ZNF345: variants seen among roughly 807,000 people sequenced by gnomAD.
ZNF345 encodes zinc finger protein 345.
For missense variants in ZNF345, 527 were observed against 589.9 expected, an observed-to-expected ratio of 0.89 and a Z score of 1.10; for synonymous variants, 166 against 187.9, an observed-to-expected ratio of 0.88 and a Z score of 0.95.
intron 2 of ZNF345, among the ~76,000 whole-genome samples, chr19:36,865,034 T>G (rs999898419): frequency 6.6e-6 from 1 of 152,096 alleles, no homozygotes. Flanking sequence ...ACTTTGTACT[T>G]TAAGAGCCGG....
chr19:36,859,559 A>G (rs144606506), intron 2 of ZNF345, among the ~76,000 whole-genome samples: 68 of 150,552 alleles, frequency 4.5e-4, no homozygotes, highest in African/African-American at 1.6e-3. Context: ...TATTATTTTT[A>G]TACAGGCATT....
intron 2 of ZNF345, among the ~76,000 whole-genome samples, chr19:36,862,361 TGCTACCAAAAGTTAAAACTA>T (rs1193850964): frequency 1.3e-5 from 2 of 151,974 alleles, no homozygotes; most frequent in Non-Finnish European, 2.9e-5. Context: ...AATATTAGCA[TGCTACCAAAAGTTAAAACTA>T]GCTGGGTGTG....
At chr19:36,892,863 C>T (rs1003741397) in exon 4 of ZNF345, 4 of 1,150,324 alleles carry the variant, frequency 3.5e-6, no homozygotes, top group Non-Finnish European at 2.2e-6. Flanking sequence ...GTCTCCTCGT[C>T]GTACAGCTTG....
rs370651502 is a variant in ZNF345 at position 36,892,037 on chromosome 19, A to G, written c.47-781A>G. 4 of 1,613,310 alleles carry G rather than the reference A, an allele frequency of 2.5e-6. No homozygotes were observed. The African/African-American group carries it at 5.3e-5, about 22-fold the overall frequency. ...CTCTGATGATCATTAAGGTTTGAGC[A>G]ATACTTAAAGGCTTTTCCACATTCC... is the stretch of plus-strand genomic sequence containing the variant. On this transcript the variant is annotated intron_variant, in intron 3 of 3. Coordinates refer to the ZNF345 transcript ENST00000526123.
At chr19:36,867,300 C>T (rs1283300305) in intron 2 of ZNF345, among the ~76,000 whole-genome samples, 2 of 152,092 alleles carry the variant, frequency 1.3e-5, no homozygotes, top group African/African-American at 4.8e-5. Flanking sequence ...ATCTCCTTTT[C>T]TCATTTTTTC....
intron 2 of ZNF345, among the ~76,000 whole-genome samples, chr19:36,872,905 A>G (rs1179781529): frequency 6.6e-6 from 1 of 152,108 alleles, no homozygotes; most frequent in African/African-American, 2.4e-5. Flanking sequence ...TGAATCTTTT[A>G]TCCTATTGAC....
At chr19:36,860,574 G>A (rs1358654886) in intron 2 of ZNF345, among the ~76,000 whole-genome samples, 10 of 152,228 alleles carry the variant, frequency 6.6e-5, no homozygotes, top group African/African-American at 2.2e-4. Context: ...TTTGTAAAAA[G>A]TCCCTTAATT....
rs756246665 is a variant in ZNF345, at chr19:36,877,614, G to T, written c.784G>T (p.Glu262Ter). Residue 262 changes from glutamate to a stop codon, truncating the protein, a stop_gained, in exon 3 of 3, where the codon GAA becomes TAA. Transcript: ENST00000420450. LOFTEE classifies it low-confidence loss of function (END_TRUNC). ...CGGTGAGAAACCATATATATGTAAT[G>T]AATGTGGTAAGGCCTTTAGTTTTGG... ...HTGEKPYICN[E>*]CGKAFSFGSA... 32 of 1,614,088 alleles carry T rather than the reference G, an allele frequency of 2.0e-5. No homozygotes were observed. The highest frequency in any genetic ancestry group is 2.7e-5 in the Non-Finnish European group (32 of 1,180,004).
intron 2 of ZNF345, among the ~76,000 whole-genome samples, chr19:36,871,523 T>C (rs1296532616): frequency 6.6e-6 from 1 of 152,182 alleles, no homozygotes; most frequent in Non-Finnish European, 1.5e-5. Flanking sequence ...TAATGATATA[T>C]CTCCAACCTA....
intron 2 of ZNF345, among the ~76,000 whole-genome samples, chr19:36,861,716 A>G (rs1363630817): frequency 2.0e-5 from 3 of 151,898 alleles, no homozygotes; most frequent in Non-Finnish European, 4.4e-5. Context: ...GTGCACCACC[A>G]CGCCCAGCAA....
Position 36,892,906 on chromosome 19 carries a change from CA to C in ZNF345, c.136del (p.Arg46GlyfsTer4). 1 of 1,142,838 alleles carries C rather than the reference CA, an allele frequency of 8.8e-7. No homozygotes were observed. Among genetic ancestry groups the C allele is most frequent in the Non-Finnish European group, 1.1e-6 (1 of 898,654 alleles). The allele number at this position is 1,142,838 out of a possible 1,614,324, so 70.8% of individuals were successfully genotyped here. A position where few individuals can be genotyped will look rare whatever the true frequency, so the allele number is the denominator to read the frequency against. On this transcript the variant is annotated frameshift_variant, in exon 4 of 4. Transcript: ENST00000526123. LOFTEE classifies it high-confidence loss of function. The stretch of plus-strand genomic sequence containing the variant: ...CCGACTGCAAGGCCATCAGCATGCC[CA>C]GGCAGGGGTTAAGCTGGAGGGCCAT...
At chr19:36,892,085 C>T (rs763457141) in intron 3 of ZNF345, 2 of 1,614,028 alleles carry the variant, frequency 1.2e-6, no homozygotes, top group Non-Finnish European at 1.7e-6. Context: ...GGTTTCTCAC[C>T]AGTGTGAATC....
Position 36,878,092 on chromosome 19 carries a change from C to G in ZNF345, c.1262C>G (p.Thr421Ser), listed in dbSNP as rs1306208249. The change falls in exon 3 of 3, where the codon ACT (threonine) becomes AGT (serine). Residue 421 changes from threonine to serine, a missense_variant. Transcript: ENST00000420450. ...SALNRHQRIH[T>S]GEKPYECKEC... is the part of the protein sequence containing the mutation. ...CTTAATCGGCACCAGAGAATACACA[C>G]TGGTGAGAAACCCTATGAATGTAAG... is the stretch of plus-strand genomic sequence containing the variant. 1 of 1,614,126 alleles carries G rather than the reference C, an allele frequency of 6.2e-7. No homozygotes were observed. The highest frequency in any genetic ancestry group is 1.1e-5 in the South Asian group (1 of 91,088).
chr19:36,892,226 A>G (rs1332354772), intron 3 of ZNF345: 2 of 1,613,978 alleles, frequency 1.2e-6, no homozygotes, highest in Non-Finnish European at 1.7e-6. Flanking sequence ...GACTTCCCAT[A>G]CTCCTTAGAT....
At chr19:36,891,128 C>G (rs59122318) in intron 3 of ZNF345, 11,059 of 176,368 alleles carry the variant, frequency 0.063, 925 homozygotes, top group African/African-American at 0.2. Flanking sequence ...AGATACACAG[C>G]GAGAATGCAA....
At chr19:36,867,703 T>A (rs1368449527) in intron 2 of ZNF345, among the ~76,000 whole-genome samples, 1 of 152,224 alleles carries the variant, frequency 6.6e-6, no homozygotes, top group African/African-American at 2.4e-5. Context: ...TTTGCATGTG[T>A]TTATCCAGTT....
intron 2 of ZNF345, among the ~76,000 whole-genome samples, chr19:36,866,158 C>T (rs1224096054): frequency 6.6e-6 from 1 of 152,056 alleles, no homozygotes; most frequent in Non-Finnish European, 1.5e-5. Flanking sequence ...GGTATCATGG[C>T]TGTTAGACTA....
intron 3 of ZNF345, chr19:36,889,625 C>T (rs138835424): frequency 1.3e-5 from 2 of 152,242 alleles, no homozygotes; most frequent in African/African-American, 4.8e-5. Flanking sequence ...GTTATAATAT[C>T]ACCTTATCAT....
chr19:36,873,256 T>C (rs954282051), intron 2 of ZNF345, among the ~76,000 whole-genome samples: 1 of 152,152 alleles, frequency 6.6e-6, no homozygotes, highest in Non-Finnish European at 1.5e-5. Context: ...TGAGGTTTTC[T>C]TTGTTCTCCT....
Sources: allele counts gnomAD v4.1 joint callset (sites outside exome capture counted in the v4.1 genomes callset), GRCh38; gene constraint gnomAD v4.1.1; transcripts MANE v1.5; gene names NCBI Gene and HGNC (gene_info 2026-07-23, HGNC 2026-07-21).